Variants in GAS2 observed in about 807,000 individuals in gnomAD.
GAS2 encodes the protein growth arrest specific 2.
In GAS2, 20 loss-of-function variants were observed where a neutral mutation model predicts 37.5. That is an observed-to-expected ratio of 0.53 (90% CI 0.37 to 0.77). The LOEUF (loss-of-function observed/expected upper bound fraction) is 0.77. Among genes scored for constraint, GAS2 ranks in the 30% least tolerant of loss-of-function variants. GAS2 has a pLI of 0.00. For missense variants in GAS2, 336 were observed against 373.4 expected (o/e 0.90, Z 0.82); for synonymous variants, 144 against 132.2 (o/e 1.09, Z -0.61).
chr11:22,811,476 A>T (rs1462014569), intron 7 of GAS2, among the ~76,000 whole-genome samples: 1 of 152,176 alleles, frequency 6.6e-6, no homozygotes, highest in Non-Finnish European at 1.5e-5. Flanking sequence ...CAGGAACCAG[A>T]GGCAGTAATA....
intron 7 of GAS2, among the ~76,000 whole-genome samples, chr11:22,810,861 A>C (rs763438288): frequency 1.3e-4 from 20 of 152,190 alleles, no homozygotes; most frequent in Non-Finnish European, 2.4e-4. Context: ...GAATTGAAAC[A>C]GATTTTATAG....
rs552827371 is a variant in GAS2 at position 22,758,028 on chromosome 11, T to C, written c.723+2075T>C. ...TAAACATGTCTCCTTGATGTGCATA[T>C]GATTATGCTAGTACTTTCAGTTTGT... On this transcript the variant is annotated intron_variant, in intron 7 of 7. Transcript: ENST00000454584. Among the ~76,000 whole-genome samples, 3 of 152,320 alleles carry C rather than the reference T, an allele frequency of 2.0e-5. No homozygotes were observed. The East Asian group carries it at 5.8e-4, about 29-fold the overall frequency.
Position 22,713,480 on chromosome 11 carries a change from A to G in GAS2, c.268-12812A>G, listed in dbSNP as rs149520022. On this transcript the variant is annotated intron_variant, in intron 3 of 7. Coordinates refer to ENST00000454584, the MANE Select transcript of GAS2 (RefSeq NM_001143830.3). The stretch of plus-strand genomic sequence containing the variant: ...CCCTGGTCTTGCTAGAGATCTAGAT[A>G]TCCAAATACAAGAAGCTCTAAAGAA... Among the ~76,000 whole-genome samples the G allele has an allele frequency of 2.0e-3, 309 of 152,294 alleles. 9 individuals are homozygous for G. In the East Asian group the frequency reaches 0.05, roughly 24 times the overall value.
chr11:22,740,414 T>TG (rs1381650958), intron 5 of GAS2, among the ~76,000 whole-genome samples: 4 of 152,182 alleles, frequency 2.6e-5, no homozygotes, highest in Non-Finnish European at 5.9e-5. Context: ...AATTTGGCCT[T>TG]TTATCTTCTT....
chr11:22,633,485 T>G (rs2133807479), intron 1 of GAS2, among the ~76,000 whole-genome samples: 1 of 152,330 alleles, frequency 6.6e-6, no homozygotes, highest in South Asian at 2.1e-4. Flanking sequence ...TGGTGTACAT[T>G]AATTCATTAA....
chr11:22,773,840 C>A (rs972912246), intron 7 of GAS2, among the ~76,000 whole-genome samples: 1 of 152,072 alleles, frequency 6.6e-6, no homozygotes, highest in Non-Finnish European at 1.5e-5. Flanking sequence ...AAAAAGGTGA[C>A]AAACACCATT....
intron 4 of GAS2, among the ~76,000 whole-genome samples, chr11:22,736,673 G>C (rs1475808469): frequency 6.6e-6 from 1 of 152,014 alleles, no homozygotes; most frequent in African/African-American, 2.4e-5. Flanking sequence ...AATAATACTG[G>C]AAAGTTAAAT....
At chr11:22,626,012 GTTCT>G (rs1858647003) in intron 1 of GAS2, 2 of 656,578 alleles carry the variant, frequency 3.0e-6, no homozygotes, top group Non-Finnish European at 5.4e-6. Flanking sequence ...ACACAAAGAG[GTTCT>G]TCTTAGTGGA....
chr11:22,647,586 T>C (rs1329072800), intron 1 of GAS2, among the ~76,000 whole-genome samples: 1 of 152,220 alleles, frequency 6.6e-6, no homozygotes, highest in East Asian at 1.9e-4. Context: ...CAGCACCTAT[T>C]GTTTCCTGAC....
intron 5 of GAS2, among the ~76,000 whole-genome samples, chr11:22,742,978 G>A (rs1853173896): frequency 6.6e-6 from 1 of 152,004 alleles, no homozygotes; most frequent in African/African-American, 2.4e-5. Context: ...AGTTACTCTA[G>A]CCTCACTACC....
At chr11:22,715,461 A>C (rs1280257422) in intron 3 of GAS2, among the ~76,000 whole-genome samples, 1 of 12,234 alleles carries the variant, frequency 8.2e-5, no homozygotes, top group African/African-American at 1.4e-4. Flanking sequence ...ACTCTGTCTC[A>C]AAAAAAAAAA....
At chr11:22,783,179 A>G (rs1001246207) in intron 7 of GAS2, among the ~76,000 whole-genome samples, 1 of 152,024 alleles carries the variant, frequency 6.6e-6, no homozygotes, top group East Asian at 1.9e-4. Flanking sequence ...TTTGATTTGT[A>G]TTTCTCTGAT....
chr11:22,786,213 T>C (rs1471916053), intron 7 of GAS2, among the ~76,000 whole-genome samples: 4 of 152,158 alleles, frequency 2.6e-5, no homozygotes, highest in Non-Finnish European at 5.9e-5. Context: ...AAAATAGATT[T>C]ACATTTACAT....
intron 1 of GAS2, among the ~76,000 whole-genome samples, chr11:22,649,402 G>T (rs1234542432): frequency 6.6e-6 from 1 of 151,940 alleles, no homozygotes; most frequent in African/African-American, 2.4e-5. Context: ...TCTCTGCCCG[G>T]CTTTGGTATC....
chr11:22,726,188 T>C (rs1852203974), intron 3 of GAS2, 104 bp from the exon 4 acceptor site: 10 of 1,125,420 alleles, frequency 8.9e-6, no homozygotes, highest in Non-Finnish European at 1.3e-5. Context: ...ACCTACTTAT[T>C]GGCATGAGGT....
intron 7 of GAS2, among the ~76,000 whole-genome samples, chr11:22,762,473 C>T (rs1400214219): frequency 2.6e-5 from 4 of 152,104 alleles, no homozygotes; most frequent in African/African-American, 7.2e-5. Context: ...ACTTGCCAAA[C>T]CTATAACACA....
At chr11:22,780,038 G>C (rs1855473627) in intron 7 of GAS2, among the ~76,000 whole-genome samples, 1 of 152,158 alleles carries the variant, frequency 6.6e-6, no homozygotes, top group Non-Finnish European at 1.5e-5. Context: ...TCTCTTCCCA[G>C]TGTGGTGTAC....
intron 3 of GAS2, among the ~76,000 whole-genome samples, chr11:22,715,476 A>AAG (rs1372235113): frequency 6.7e-6 from 1 of 149,322 alleles, no homozygotes; most frequent in East Asian, 1.9e-4. Context: ...AAAAAAAAAA[A>AAG]AAAAAAAGAA....
chr11:22,715,597 CA>C (rs1250428593), intron 3 of GAS2, among the ~76,000 whole-genome samples: 1 of 151,472 alleles, frequency 6.6e-6, no homozygotes, highest in Admixed American at 6.6e-5. Context: ...AGAAAACCTA[CA>C]GGAGACGGAT....
Sources: allele counts gnomAD v4.1 joint callset (sites outside exome capture counted in the v4.1 genomes callset), GRCh38; gene constraint gnomAD v4.1.1; transcripts MANE v1.5; gene names NCBI Gene and HGNC (gene_info 2026-07-23, HGNC 2026-07-21).